Variants in SLC39A2 observed in about 807,000 individuals in gnomAD.
SLC39A2 encodes solute carrier family 39 member 2.
Under a neutral mutation model 18.0 loss-of-function variants are expected in SLC39A2, and 14 were observed. That is an observed-to-expected ratio of 0.78 (90% CI 0.51 to 1.22). The LOEUF (loss-of-function observed/expected upper bound fraction) is 1.22. SLC39A2 is among the 50% of genes most tolerant of loss of function. SLC39A2 has a pLI of 0.00. For synonymous variants in SLC39A2, 152 were observed against 153.1 expected, an observed-to-expected ratio of 0.99 and a Z score of 0.05; for missense variants, 375 against 370.6, an observed-to-expected ratio of 1.01 and a Z score of -0.10.
chr14:21,001,099 C>T lies in SLC39A2; in HGVS notation c.450C>T (p.His150=). 6.2e-7 allele frequency: 1 copy of T among 1,613,688 alleles called. No individual in the cohort carries two copies. Among genetic ancestry groups the T allele is most frequent in the South Asian group, 1.1e-5 (1 of 91,012 alleles). ...GTGGGGCTCATATCTTCGAACTCCA[C>T]AGCCATGGACATTTACCCTCACCCT... The part of the protein sequence containing the change: ...EWGGAHIFEL[H]SHGHLPSPSK... The change falls in exon 4 of 4, where the codon CAC becomes CAT. Residue 150 remains histidine, a synonymous_variant. Transcript: ENST00000298681.
At chr14:21,000,450 C>A (rs1402120957) in intron 3 of SLC39A2, among the ~76,000 whole-genome samples, 1 of 152,152 alleles carries the variant, frequency 6.6e-6, no homozygotes, top group Non-Finnish European at 1.5e-5. Flanking sequence ...CCCTTAGCCC[C>A]TCTGGCAGTC....
At chr14:21,000,831 C>CT in intron 3 of SLC39A2, 116 bp from the exon 4 acceptor site, 1 of 900,108 alleles carries the variant, frequency 1.1e-6, no homozygotes, top group Non-Finnish European at 1.6e-6. Context: ...TTCCCCTACC[C>CT]TTTTTTGTGT....
rs2234640 is a variant in SLC39A2, at chr14:21,001,638, C to T, written c.*59C>T. The T allele has an allele frequency of 4.5e-3, 6,602 of 1,480,870 alleles. 235 individuals carry two copies. The African/African-American group carries it at 0.081, about 18-fold the overall frequency. The allele number at this position is 1,480,870 out of a possible 1,614,324, so 91.7% of individuals were successfully genotyped here. A position where few individuals can be genotyped will look rare whatever the true frequency, so the allele number is the denominator to read the frequency against. The stretch of plus-strand genomic sequence containing the variant: ...GACAACCTCTCTATCCCCAGGGAGA[C>T]CTCCCAAATGGCTTTGACCCTCAGA... On this transcript the variant is annotated 3_prime_UTR_variant, in exon 4 of 4. Coordinates refer to ENST00000298681, the MANE Select transcript of SLC39A2 (RefSeq NM_014579.4).
chr14:21,000,974 A>T lies in SLC39A2; in HGVS notation c.325A>T (p.Ile109Phe), dbSNP rs751439969. Residue 109 changes from isoleucine (I) to phenylalanine (F), a missense_variant, in exon 4 of 4, where the codon ATC becomes TTC. By Grantham distance (21) the Ile-to-Phe change is conservative (BLOSUM62 0). Transcript: ENST00000298681. ...HMEYPYGELIISLGFFFVFFL... is the reference protein window; with the variant it reads ...HMEYPYGELIFSLGFFFVFFL... ...GGAGTATCCCTATGGAGAGCTCATC[A>T]TCTCCCTGGGCTTCTTTTTTGTCTT... The T allele has an allele frequency of 6.6e-7, 1 of 1,515,756 alleles. No individual in the cohort carries two copies. Among genetic ancestry groups the T allele is most frequent in the Non-Finnish European group, 8.8e-7 (1 of 1,133,232 alleles). 93.9% of individuals were successfully genotyped at this position (1,515,756 alleles called of 1,614,324 possible). A position where few individuals can be genotyped will look rare whatever the true frequency, so the allele number is the denominator to read the frequency against.
At position 21,000,103 on chromosome 14, in the gene SLC39A2, G is replaced by A; in HGVS notation, c.247-13G>A. 2 of 1,608,256 alleles carry A rather than the reference G, an allele frequency of 1.2e-6. No homozygotes were observed. Among genetic ancestry groups the A allele is most frequent in the African/African-American group, 1.3e-5 (1 of 74,806 alleles). On this transcript the variant is annotated splice_polypyrimidine_tract_variant and intron_variant, in intron 2 of 3. Coordinates refer to ENST00000298681, the MANE Select transcript of SLC39A2 (RefSeq NM_014579.4). Reference sequence around the variant, plus strand: ...CTCCATCCCACATCTAATTTCTGCTGCTTTCTTCTTAGAACAGATCAGCAA... The same window carrying A: ...CTCCATCCCACATCTAATTTCTGCTACTTTCTTCTTAGAACAGATCAGCAA...
Position 21,001,861 on chromosome 14 carries a change from A to T in SLC39A2, c.*282A>T, listed in dbSNP as rs547854624. The T allele has an allele frequency of 3.6e-6, 1 of 278,948 alleles. No homozygotes were observed. Among genetic ancestry groups the T allele is most frequent in the South Asian group, 1.6e-4 (1 of 6,134 alleles). 17.3% of individuals were successfully genotyped at this position (278,948 alleles called of 1,614,324 possible). ...TGCTACTGTGTGTAATAAAATGCCC[A>T]TTTTACCCTCCTTCAGCCATTCTGG... On this transcript the variant is annotated 3_prime_UTR_variant, in exon 4 of 4. Coordinates refer to ENST00000298681, the MANE Select transcript of SLC39A2 (RefSeq NM_014579.4).
Position 21,001,695 on chromosome 14 carries a change from T to TCTG in SLC39A2, c.*116_*117insCTG. 6 of 1,016,418 alleles carry TCTG rather than the reference T, an allele frequency of 5.9e-6. No homozygotes were observed. The highest frequency in any genetic ancestry group is 8.5e-6 in the Non-Finnish European group (6 of 704,910). The allele number at this position is 1,016,418 out of a possible 1,614,324, so 63.0% of individuals were successfully genotyped here. On this transcript the variant is annotated 3_prime_UTR_variant, in exon 4 of 4. Coordinates refer to ENST00000298681, the MANE Select transcript of SLC39A2 (RefSeq NM_014579.4). Reference sequence around the variant, plus strand: ...TTTACTCAGACTAAATAGCATTCAGTAGGACTGGACTGGACCCCAGGTTTC... The same window carrying TCTG: ...TTTACTCAGACTAAATAGCATTCAGTCTGAGGACTGGACTGGACCCCAGGTTTC...
rs147806155 is a variant in SLC39A2 at position 21,001,209 on chromosome 14, C to T, written c.560C>T (p.Pro187Leu). ...VFEGLAVGLQ[P>L]TVAATVQLCL... Reference sequence around the variant, plus strand: ...GAAGGGCTAGCTGTGGGGCTGCAGCCGACAGTAGCAGCTACCGTGCAGCTC... The same window carrying T: ...GAAGGGCTAGCTGTGGGGCTGCAGCTGACAGTAGCAGCTACCGTGCAGCTC... The change falls in exon 4 of 4, where the codon CCG becomes CTG. Residue 187 changes from proline (P) to leucine (L), a missense_variant. Transcript: ENST00000298681. 3.0e-5 allele frequency: 48 copies of T among 1,614,028 alleles called. No individual in the cohort carries two copies. In the African/African-American group the frequency reaches 4.7e-4, roughly 16 times the overall value.
In SLC39A2 at chr14:21,001,070, T is replaced by C. The variant is rs1046521175; in HGVS notation, c.421T>C (p.Trp141Arg). 1.2e-6 allele frequency: 2 copies of C among 1,609,184 alleles called. No individual in the cohort carries two copies. Among genetic ancestry groups the C allele is most frequent in the Non-Finnish European group, 1.7e-6 (2 of 1,176,812 alleles). ...AGGSTVQDEE[W>R]GGAHIFELHS... ...AGGATCGACAGTGCAGGACGAAGAA[T>C]GGGGTGGGGCTCATATCTTCGAACT... Residue 141 changes from tryptophan (W) to arginine (R), a missense_variant, in exon 4 of 4, where the codon TGG (tryptophan) becomes CGG (arginine). Physicochemically the swap from Trp to Arg is moderately radical, Grantham distance 101. Transcript: ENST00000298681.
rs559221473 is a variant in SLC39A2, at chr14:20,999,363, T to C, written c.-84T>C. 2.4e-5 allele frequency: 24 copies of C among 990,532 alleles called. No homozygotes were observed. The East Asian group carries it at 5.2e-4, about 22-fold the overall frequency. The allele number at this position is 990,532 out of a possible 1,614,324, so 61.4% of individuals were successfully genotyped here. On this transcript the variant is annotated 5_prime_UTR_variant, in exon 1 of 4. Transcript: ENST00000298681. Reference sequence around the variant, plus strand: ...ACTCACGAGAGTGGACACTCCAGTGTTGACCACCTAAGATACCACTCCTGC... The same window carrying C: ...ACTCACGAGAGTGGACACTCCAGTGCTGACCACCTAAGATACCACTCCTGC...
intron 3 of SLC39A2, among the ~76,000 whole-genome samples, chr14:21,000,479 T>C (rs1297854445): frequency 2.6e-5 from 4 of 152,178 alleles, no homozygotes; most frequent in Admixed American, 6.5e-5. Context: ...TTGTTGTTTT[T>C]CGTTTGTTTG....
In SLC39A2 at chr14:21,001,870, T is replaced by G; in HGVS notation, c.*291T>G. 4.0e-6 allele frequency: 1 copy of G among 252,120 alleles called. No homozygotes were observed. Among genetic ancestry groups the G allele is most frequent in the Non-Finnish European group, 7.5e-6 (1 of 134,120 alleles). 15.6% of individuals were successfully genotyped at this position (252,120 alleles called of 1,614,324 possible). A position where few individuals can be genotyped will look rare whatever the true frequency, so the allele number is the denominator to read the frequency against. On this transcript the variant is annotated 3_prime_UTR_variant, in exon 4 of 4. Transcript: ENST00000298681. ...GTGTAATAAAATGCCCATTTTACCC[T>G]CCTTCAGCCATTCTGGATTTCATTT...
Position 21,001,658 on chromosome 14 carries a change from C to A in SLC39A2, c.*79C>A. 1 of 1,395,596 alleles carries A rather than the reference C, an allele frequency of 7.2e-7. No individual in the cohort carries two copies. The highest frequency in any genetic ancestry group is 9.7e-7 in the Non-Finnish European group (1 of 1,031,512). The allele number at this position is 1,395,596 out of a possible 1,614,324, so 86.5% of individuals were successfully genotyped here. On this transcript the variant is annotated 3_prime_UTR_variant, in exon 4 of 4. Coordinates refer to ENST00000298681, the MANE Select transcript of SLC39A2 (RefSeq NM_014579.4). Reference sequence around the variant, plus strand: ...GGAGACCTCCCAAATGGCTTTGACCCTCAGACATTTCTTTACTCAGACTAA... The same window carrying A: ...GGAGACCTCCCAAATGGCTTTGACCATCAGACATTTCTTTACTCAGACTAA...
intron 3 of SLC39A2, 127 bp from the exon 4 acceptor site, chr14:21,000,820 T>C (rs1459439239): frequency 2.8e-5 from 23 of 810,660 alleles, no homozygotes; most frequent in Non-Finnish European, 3.7e-5. Context: ...CTTGGCTTCA[T>C]TTCCCCTACC....
chr14:20,999,927 C>A (rs1214583947), intron 2 of SLC39A2, 55 bp downstream of exon 2: 2 of 1,605,302 alleles, frequency 1.2e-6, no homozygotes, highest in Non-Finnish European at 8.5e-7. Context: ...ATAAACAGGA[C>A]AAAGGGAAGA....
At chr14:20,999,717 G>C in intron 1 of SLC39A2, 25 bp from the exon 2 acceptor site, 1 of 1,613,738 alleles carries the variant, frequency 6.2e-7, no homozygotes, top group Non-Finnish European at 8.5e-7. Flanking sequence ...GTGTCAAGTG[G>C]GTTGTAACTT....
intron 3 of SLC39A2, among the ~76,000 whole-genome samples, chr14:21,000,402 A>G (rs145979966): frequency 4.6e-3 from 704 of 152,314 alleles, no homozygotes; most frequent in Non-Finnish European, 6.3e-3. Context: ...TATACCTCAC[A>G]TCATTTGCCC....
At position 20,999,727 on chromosome 14, in the gene SLC39A2, T is replaced by C. The variant is rs369326571; in HGVS notation, c.116-15T>C. On this transcript the variant is annotated splice_polypyrimidine_tract_variant and intron_variant, in intron 1 of 3. Transcript: ENST00000298681. Reference sequence around the variant, plus strand: ...CCTCAGTGTCAAGTGGGTTGTAACTTCTGCTTTTTATTAGGTCATCACCGG... The same window carrying C: ...CCTCAGTGTCAAGTGGGTTGTAACTCCTGCTTTTTATTAGGTCATCACCGG... 5.6e-5 allele frequency: 90 copies of C among 1,613,958 alleles called. No individual in the cohort carries two copies. Among genetic ancestry groups the C allele is most frequent in the Non-Finnish European group, 6.9e-5 (82 of 1,179,974 alleles).
chr14:21,001,435 G>A lies in SLC39A2; in HGVS notation c.786G>A (p.Glu262=), dbSNP rs200324289. The A allele has an allele frequency of 4.3e-6, 7 of 1,613,994 alleles. No homozygotes were observed. The African/African-American group carries it at 9.3e-5, about 22-fold the overall frequency. Residue 262 remains glutamate, a synonymous_variant, in exon 4 of 4, where the codon GAG becomes GAA. Coordinates refer to ENST00000298681, the MANE Select transcript of SLC39A2 (RefSeq NM_014579.4). The part of the protein sequence containing the change: ...GGRGLAQAVL[E]GVAAGTFLYV... ...GGGGCTTAGCCCAGGCTGTGTTAGA[G>A]GGTGTGGCAGCTGGTACCTTCCTGT... is the stretch of plus-strand genomic sequence containing the variant.
Sources: gnomAD v4.1 joint callset for allele counts (sites outside exome capture counted in the v4.1 genomes callset) on GRCh38, gnomAD v4.1.1 for gene constraint, MANE v1.5 for transcripts, NCBI Gene and HGNC (gene_info 2026-07-23, HGNC 2026-07-21) for gene names.